The following RBM46 variants were observed in gnomAD, a reference collection of about 807,000 sequenced individuals.
RBM46 encodes the protein RNA binding motif protein 46, also known as probable RNA-binding protein 46.
In RBM46, 12 loss-of-function variants were observed where a neutral mutation model predicts 43.3. The observed-to-expected ratio is 0.28, with a 90% CI of 0.18 to 0.45. The LOEUF (loss-of-function observed/expected upper bound fraction) is 0.45, where lower values mean the gene tolerates loss of function less well. Among genes scored for constraint, RBM46 ranks in the 20% least tolerant of loss-of-function variants. The pLI, the probability that RBM46 is intolerant of heterozygous loss-of-function variation, is 1.00. For synonymous variants in RBM46, 205 were observed against 207.6 expected (o/e 0.99, Z 0.11); for missense variants, 412 against 639.1 (o/e 0.64, Z 3.83).
intron 4 of RBM46, among the ~76,000 whole-genome samples, chr4:154,805,851 A>C (rs544692297): frequency 6.6e-5 from 10 of 152,100 alleles, no homozygotes; most frequent in African/African-American, 2.4e-4. Flanking sequence ...TGGAGTTATA[A>C]ATTATAAATA....
At chr4:154,801,812 A>T (rs1734652044) in intron 4 of RBM46, among the ~76,000 whole-genome samples, 1 of 152,186 alleles carries the variant, frequency 6.6e-6, no homozygotes, top group Non-Finnish European at 1.5e-5. Context: ...TTAACTATAT[A>T]GCATAGTTAA....
At chr4:154,795,027 C>T (rs1445105012) in intron 1 of RBM46, among the ~76,000 whole-genome samples, 1 of 152,052 alleles carries the variant, frequency 6.6e-6, no homozygotes, top group South Asian at 2.1e-4. Context: ...CTTAATAAAT[C>T]TTTGTTGAAC....
intron 4 of RBM46, among the ~76,000 whole-genome samples, chr4:154,810,294 T>G (rs1039401547): frequency 4.6e-5 from 7 of 152,114 alleles, no homozygotes; most frequent in African/African-American, 1.7e-4. Context: ...AGTTACATAG[T>G]ATCAAGGCTA....
At chr4:154,824,709 C>G (rs1489728875) in intron 4 of RBM46, among the ~76,000 whole-genome samples, 2 of 152,020 alleles carry the variant, frequency 1.3e-5, no homozygotes, top group Non-Finnish European at 2.9e-5. Flanking sequence ...TAGAGGCCGC[C>G]TCTTTTTGTA....
At chr4:154,803,861 C>G (rs932039279) in intron 4 of RBM46, among the ~76,000 whole-genome samples, 6 of 151,842 alleles carry the variant, frequency 4.0e-5, no homozygotes, top group Non-Finnish European at 5.9e-5. Context: ...AATGTAATCC[C>G]CAGTGTTGGA....
At chr4:154,782,348 C>A (rs1319789992) in intron 1 of RBM46, among the ~76,000 whole-genome samples, 1 of 152,192 alleles carries the variant, frequency 6.6e-6, no homozygotes, top group African/African-American at 2.4e-5. Flanking sequence ...GTAAATTTAG[C>A]TTAGGTAATA....
At chr4:154,822,109 A>G (rs1735746685) in intron 4 of RBM46, among the ~76,000 whole-genome samples, 1 of 151,798 alleles carries the variant, frequency 6.6e-6, no homozygotes, top group South Asian at 2.1e-4. Flanking sequence ...TGAGGTATAA[A>G]TAAAATACAA....
Position 154,823,557 on chromosome 4 carries a change from C to A in RBM46, c.1403-4311C>A, listed in dbSNP as rs796396105. Among the ~76,000 whole-genome samples the A allele has an allele frequency of 4.1e-4, 62 of 151,940 alleles. 1 individual carries two copies. The highest frequency in any genetic ancestry group is 1.3e-3 in the African/African-American group (55 of 41,522). On this transcript the variant is annotated intron_variant, in intron 4 of 4. Coordinates refer to ENST00000281722, the MANE Select transcript of RBM46 (RefSeq NM_144979.5). ...ACACTTTTATCTCACTTTAAAGTCT[C>A]TATTAAGGGTTTTCCTCATCTTTAA...
At chr4:154,820,771 T>G (rs1476739951) in intron 4 of RBM46, among the ~76,000 whole-genome samples, 1 of 151,892 alleles carries the variant, frequency 6.6e-6, no homozygotes, top group East Asian at 1.9e-4. Context: ...TTTTCAACCT[T>G]AAACCCAAGT....
chr4:154,799,514 C>T lies in RBM46; in HGVS notation c.1352C>T (p.Thr451Met), dbSNP rs199791745. Residue 451 changes from threonine (T) to methionine (M), a missense_variant, in exon 4 of 5, where the codon ACG becomes ATG. Transcript: ENST00000281722. ...TTCATGCCAGACAAACTCTGTACTA[C>T]GTTAGAAGATGCAAAGGAACTGGCA... ...SYFMPDKLCT[T>M]LEDAKELAAQ... 54 of 1,596,742 alleles carry T rather than the reference C, an allele frequency of 3.4e-5. No homozygotes were observed. The highest frequency in any genetic ancestry group is 4.0e-5 in the Non-Finnish European group (47 of 1,173,536).
intron 4 of RBM46, among the ~76,000 whole-genome samples, chr4:154,825,715 A>G (rs559110105): frequency 1.3e-5 from 2 of 152,328 alleles, no homozygotes; most frequent in Non-Finnish European, 2.9e-5. Flanking sequence ...GCTAAGCATT[A>G]TGCTAGTAGC....
intron 4 of RBM46, among the ~76,000 whole-genome samples, chr4:154,824,461 A>G (rs1185365818): frequency 6.6e-6 from 1 of 152,128 alleles, no homozygotes; most frequent in Non-Finnish European, 1.5e-5. Context: ...ATTCATCATT[A>G]GGCAAATAGA....
At chr4:154,805,220 G>A (rs1282418179) in intron 4 of RBM46, among the ~76,000 whole-genome samples, 2 of 152,032 alleles carry the variant, frequency 1.3e-5, no homozygotes, top group Admixed American at 1.3e-4. Flanking sequence ...CATTAGTCCT[G>A]TTTCTTAAAA....
At chr4:154,816,334 A>T (rs900900209) in intron 4 of RBM46, among the ~76,000 whole-genome samples, 2 of 152,092 alleles carry the variant, frequency 1.3e-5, no homozygotes, top group African/African-American at 4.8e-5. Flanking sequence ...TGGGAACAAT[A>T]ACATTTTTAT....
chr4:154,804,810 GGTT>G (rs1294156669), intron 4 of RBM46, among the ~76,000 whole-genome samples: 3 of 130,394 alleles, frequency 2.3e-5, no homozygotes, highest in South Asian at 2.6e-4. Context: ...AAATGATTAA[GGTT>G]GTTTTTTTTT....
chr4:154,782,554 G>C (rs1049860765), intron 1 of RBM46, among the ~76,000 whole-genome samples: 7 of 152,122 alleles, frequency 4.6e-5, no homozygotes, highest in African/African-American at 1.7e-4. Flanking sequence ...CAGGATCTCG[G>C]CTGACTGCAA....
At chr4:154,788,956 C>T (rs1733933495) in intron 1 of RBM46, among the ~76,000 whole-genome samples, 1 of 150,818 alleles carries the variant, frequency 6.6e-6, no homozygotes, top group Non-Finnish European at 1.5e-5. Context: ...TTGTGAATTG[C>T]TTCACATGAT....
At chr4:154,815,183 C>A (rs1735371211) in intron 4 of RBM46, among the ~76,000 whole-genome samples, 1 of 151,900 alleles carries the variant, frequency 6.6e-6, no homozygotes, top group African/African-American at 2.4e-5. Flanking sequence ...GTCATTGATA[C>A]CTGTATTTCA....
At chr4:154,790,319 A>T (rs925033412) in intron 1 of RBM46, 11 of 152,048 alleles carry the variant, frequency 7.2e-5, no homozygotes, top group African/African-American at 2.7e-4. Flanking sequence ...GTGCTATAAA[A>T]TTCCCTCTAC....
Sources: gnomAD v4.1 joint callset for allele counts (sites outside exome capture counted in the v4.1 genomes callset) on GRCh38, gnomAD v4.1.1 for gene constraint, MANE v1.5 for transcripts, NCBI Gene and HGNC (gene_info 2026-07-23, HGNC 2026-07-21) for gene names.